The following TTC7B variants were observed in gnomAD, a reference collection of about 807,000 sequenced individuals.
TTC7B encodes the protein tetratricopeptide repeat domain 7B.
In TTC7B, 28 loss-of-function variants were observed where a neutral mutation model predicts 106.8. The observed-to-expected ratio is 0.26, with a 90% CI of 0.19 to 0.36. TTC7B has a LOEUF of 0.36. Among genes scored for constraint, TTC7B ranks in the 10% least tolerant of loss-of-function variants. The pLI is 1.00. For missense variants in TTC7B, 862 were observed against 1,076.4 expected, an observed-to-expected ratio of 0.80 and a Z score of 2.79; for synonymous variants, 405 against 430.6, an observed-to-expected ratio of 0.94 and a Z score of 0.74.
rs182053475 is a variant in TTC7B at position 90,598,874 on chromosome 14, G to A, written c.1967-5248C>T. Among the ~76,000 whole-genome samples, 78 of 152,340 alleles carry A rather than the reference G, an allele frequency of 5.1e-4. 1 individual carries two copies. Among genetic ancestry groups the A allele is most frequent in the African/African-American group, 1.2e-3 (51 of 41,588 alleles). ...TGTTAAGAAAAGGCACAGGCTGGGCGTGGTGGCTCACGCCTGTAATCCCAG... is the reference window on the plus strand; with the variant it reads ...TGTTAAGAAAAGGCACAGGCTGGGCATGGTGGCTCACGCCTGTAATCCCAG... On this transcript the variant is annotated intron_variant, in intron 17 of 19. Coordinates refer to ENST00000328459, the MANE Select transcript of TTC7B (RefSeq NM_001010854.2).
rs1004567426 is a variant in TTC7B, at chr14:90,757,570, T to G, written c.446-12648A>C. Among the ~76,000 whole-genome samples, 1 of 152,200 alleles carries G rather than the reference T, an allele frequency of 6.6e-6. No homozygotes were observed. Among genetic ancestry groups the G allele is most frequent in the African/African-American group, 2.4e-5 (1 of 41,450 alleles). ...CAGAGATGATTTGCCCAAGGTCACA[T>G]GGGCAAATCCTGATCCAATGAGCTT... On this transcript the variant is annotated intron_variant, in intron 3 of 19. Coordinates refer to ENST00000328459, the MANE Select transcript of TTC7B (RefSeq NM_001010854.2). The surrounding 1 kb of genome is among the most constrained non-coding windows in gnomAD (Gnocchi z 4.1).
chr14:90,710,273 G>T (rs1888395210), intron 5 of TTC7B, among the ~76,000 whole-genome samples: 1 of 152,188 alleles, frequency 6.6e-6, no homozygotes, highest in South Asian at 2.1e-4. Flanking sequence ...AGAATTAGAA[G>T]TGGGGCCTGA....
intron 3 of TTC7B, among the ~76,000 whole-genome samples, chr14:90,754,544 G>T (rs1018166524): frequency 2.0e-5 from 3 of 152,074 alleles, no homozygotes; most frequent in African/African-American, 7.2e-5. Context: ...AATTGTATTT[G>T]TTTATTATAT....
At chr14:90,702,520 A>G (rs1023586665) in intron 5 of TTC7B, among the ~76,000 whole-genome samples, 39 of 151,912 alleles carry the variant, frequency 2.6e-4, no homozygotes, top group African/African-American at 9.4e-4. Context: ...TCAAAACTCT[A>G]TCATTGTTTT....
intron 15 of TTC7B, among the ~76,000 whole-genome samples, chr14:90,632,052 C>T (rs182956266): frequency 6.6e-6 from 1 of 152,198 alleles, no homozygotes; most frequent in East Asian, 1.9e-4. Flanking sequence ...CCATTGTGAC[C>T]CCTGTTGTCT....
chr14:90,748,494 ATT>A (rs887876555), intron 3 of TTC7B, among the ~76,000 whole-genome samples: 1 of 145,768 alleles, frequency 6.9e-6, no homozygotes. Context: ...CACATGGCTA[ATT>A]TTTTTTTTTT....
chr14:90,715,468 T>C (rs1888619901), intron 5 of TTC7B, among the ~76,000 whole-genome samples: 2 of 152,206 alleles, frequency 1.3e-5, no homozygotes, highest in Admixed American at 1.3e-4. Context: ...GGGTTTGATT[T>C]ATTTATTTAT....
chr14:90,620,839 A>G (rs1314299681), intron 15 of TTC7B, among the ~76,000 whole-genome samples: 1 of 152,254 alleles, frequency 6.6e-6, no homozygotes, highest in Non-Finnish European at 1.5e-5. Context: ...TCTAATTAAC[A>G]TAAAATAACA....
At chr14:90,713,088 G>A (rs146232594) in intron 5 of TTC7B, among the ~76,000 whole-genome samples, 146 of 152,214 alleles carry the variant, frequency 9.6e-4, no homozygotes, top group African/African-American at 2.6e-3. Flanking sequence ...CAAAAGTTTT[G>A]AACAGACATT....
At chr14:90,732,083 A>G (rs1310217155) in intron 4 of TTC7B, among the ~76,000 whole-genome samples, 6 of 152,230 alleles carry the variant, frequency 3.9e-5, no homozygotes, top group Non-Finnish European at 8.8e-5. Context: ...ATCTTTGTGG[A>G]CACATGTATC....
intron 1 of TTC7B, among the ~76,000 whole-genome samples, chr14:90,797,437 A>G (rs727350): frequency 0.62 from 91,819 of 148,062 alleles, 30,048 homozygotes; most frequent in Non-Finnish European, 0.72. Flanking sequence ...CAGCCTGGGC[A>G]ACAGAGTGAG....
chr14:90,609,229 AG>A (rs973214519), intron 17 of TTC7B, among the ~76,000 whole-genome samples: 4 of 152,202 alleles, frequency 2.6e-5, no homozygotes, highest in Admixed American at 2.0e-4. Flanking sequence ...AGGCCACTCC[AG>A]GGGGTGAGTT....
At chr14:90,664,568 G>C (rs766545030) in intron 9 of TTC7B, among the ~76,000 whole-genome samples, 7 of 152,226 alleles carry the variant, frequency 4.6e-5, no homozygotes, top group Non-Finnish European at 7.3e-5. Flanking sequence ...ACCATACCCA[G>C]CTGCATTCAC....
At chr14:90,789,752 C>T (rs112664546) in intron 1 of TTC7B, among the ~76,000 whole-genome samples, 19 of 151,864 alleles carry the variant, frequency 1.3e-4, no homozygotes, top group African/African-American at 4.3e-4. Context: ...AAAAATTAGC[C>T]GGGCGTGGTG....
intron 15 of TTC7B, among the ~76,000 whole-genome samples, chr14:90,639,827 TATTC>T (rs1439526287): frequency 6.6e-6 from 1 of 152,196 alleles, no homozygotes; most frequent in Non-Finnish European, 1.5e-5. Context: ...CAATAAATAC[TATTC>T]ATTCATGCAA....
chr14:90,613,652 G>C (rs1166408542), intron 16 of TTC7B, among the ~76,000 whole-genome samples: 1 of 152,154 alleles, frequency 6.6e-6, no homozygotes, highest in African/African-American at 2.4e-5. Context: ...ATCTGCTCAG[G>C]CACTTCTGTG....
At chr14:90,709,979 C>CAAA (rs1250227925) in intron 5 of TTC7B, among the ~76,000 whole-genome samples, 1 of 60,376 alleles carries the variant, frequency 1.7e-5, no homozygotes, top group Non-Finnish European at 3.6e-5. Flanking sequence ...CCTTATGTGC[C>CAAA]AGAAAAAAAA....
intron 1 of TTC7B, among the ~76,000 whole-genome samples, chr14:90,797,993 G>A (rs2029986022): frequency 6.6e-6 from 1 of 152,136 alleles, no homozygotes; most frequent in Admixed American, 6.6e-5. Flanking sequence ...CTCTTGCACT[G>A]TCCCTGGGCT....
At chr14:90,581,235 C>G (rs1045973811) in intron 18 of TTC7B, among the ~76,000 whole-genome samples, 1 of 152,172 alleles carries the variant, frequency 6.6e-6, no homozygotes. Flanking sequence ...TGCACTGAGC[C>G]CTGAAGGTGA....
Sources: gnomAD v4.1 joint callset for allele counts (sites outside exome capture counted in the v4.1 genomes callset) on GRCh38, gnomAD v4.1.1 for gene constraint, Gnocchi (gnomAD v3.1) non-coding constraint, MANE v1.5 for transcripts, NCBI Gene and HGNC (gene_info 2026-07-23, HGNC 2026-07-21) for gene names.